CEP112: variants seen among roughly 807,000 people sequenced by gnomAD.
The protein encoded by CEP112 is centrosomal protein 112, also known as centrosomal protein of 112 kDa.
Under a neutral mutation model 153.0 loss-of-function variants are expected in CEP112, and 127 were observed. That is an observed-to-expected ratio of 0.83 (90% CI 0.72 to 0.96). CEP112 has a LOEUF of 0.96. Ranked by LOEUF, CEP112 falls within the 40% of genes least tolerant of loss-of-function variation. The pLI is 0.00. For missense variants in CEP112, 1,089 were observed against 1,101.2 expected, an observed-to-expected ratio of 0.99 and a Z score of 0.16; for synonymous variants, 358 against 374.4, an observed-to-expected ratio of 0.96 and a Z score of 0.51.
intron 24 of CEP112, chr17:65,644,220 G>A: frequency 1.5e-6 from 1 of 660,228 alleles, no homozygotes; most frequent in Non-Finnish European, 2.8e-6. Flanking sequence ...GCCATAGCTG[G>A]GGGAACTGGG....
intron 20 of CEP112, among the ~76,000 whole-genome samples, chr17:65,871,600 A>T (rs2058672625): frequency 6.6e-6 from 1 of 152,188 alleles, no homozygotes; most frequent in African/African-American, 2.4e-5. Flanking sequence ...GCACCACTGC[A>T]CTCCAGCCTG....
chr17:66,005,575 A>G (rs2064239071), intron 17 of CEP112, 115 bp downstream of exon 17: 1 of 1,271,574 alleles, frequency 7.9e-7, no homozygotes, highest in Non-Finnish European at 1.0e-6. Flanking sequence ...ACTGATGCAA[A>G]CGAATCCATA....
At chr17:65,714,815 AC>A (rs1334922956) in intron 23 of CEP112, among the ~76,000 whole-genome samples, 1 of 152,142 alleles carries the variant, frequency 6.6e-6, no homozygotes, top group Non-Finnish European at 1.5e-5. Flanking sequence ...AAAATAGTCT[AC>A]CCTAGATGAT....
intron 21 of CEP112, among the ~76,000 whole-genome samples, chr17:65,818,813 C>T (rs1007565532): frequency 6.6e-6 from 1 of 151,880 alleles, no homozygotes; most frequent in Admixed American, 6.6e-5. Context: ...CAAAACAATA[C>T]AGTTTGTGAC....
At chr17:66,024,136 C>G (rs1445413886) in intron 16 of CEP112, among the ~76,000 whole-genome samples, 1 of 152,012 alleles carries the variant, frequency 6.6e-6, no homozygotes, top group East Asian at 1.9e-4. Flanking sequence ...TGATAAAAAC[C>G]TTCAACAAAT....
chr17:65,902,166 T>G lies in CEP112; in HGVS notation c.2149A>C (p.Lys717Gln), dbSNP rs2059892162. ...TTGATAATTACCTGTGCATCTCGTT[T>G]CTTGAACTCCTGAATTTGATTTTCG... ...EHENQIQEFK[K>Q]RDAQVIADME... Residue 717 changes from lysine to glutamine, a missense_variant, in exon 20 of 27, where the codon AAA becomes CAA. Lys to Gln is a moderately conservative substitution (Grantham distance 53, BLOSUM62 1). Coordinates refer to ENST00000535342, the MANE Select transcript of CEP112 (RefSeq NM_001199165.4). 1 of 1,613,186 alleles carries G rather than the reference T, an allele frequency of 6.2e-7. No homozygotes were observed. The highest frequency in any genetic ancestry group is 1.3e-5 in the African/African-American group (1 of 74,872).
At chr17:65,925,544 C>T (rs2060893740) in intron 19 of CEP112, among the ~76,000 whole-genome samples, 1 of 152,190 alleles carries the variant, frequency 6.6e-6, no homozygotes, top group Non-Finnish European at 1.5e-5. Flanking sequence ...CATCATAACG[C>T]CTGTGCTGCT....
At chr17:66,190,721 CT>C (rs1053732842) in intron 1 of CEP112, among the ~76,000 whole-genome samples, 3 of 152,228 alleles carry the variant, frequency 2.0e-5, no homozygotes, top group African/African-American at 7.2e-5. Flanking sequence ...CCCATGCTGC[CT>C]TTTTTTAAAC....
chr17:65,732,533 A>G (rs943089768), intron 23 of CEP112, among the ~76,000 whole-genome samples: 2 of 152,190 alleles, frequency 1.3e-5, no homozygotes, highest in African/African-American at 4.8e-5. Context: ...AAGCTTCTCT[A>G]GTAATAAAAG....
chr17:65,707,563 C>G (rs1485374154), intron 23 of CEP112, among the ~76,000 whole-genome samples: 3 of 152,204 alleles, frequency 2.0e-5, no homozygotes, highest in Non-Finnish European at 4.4e-5. Flanking sequence ...GCCTCTCAGG[C>G]TTCTCCTTGT....
chr17:65,836,356 T>C (rs1305697761), intron 21 of CEP112, among the ~76,000 whole-genome samples: 1 of 152,192 alleles, frequency 6.6e-6, no homozygotes, highest in Admixed American at 6.5e-5. Context: ...TAAATGGATT[T>C]AAAAGAAAAC....
At chr17:65,956,521 C>A (rs958600010) in intron 18 of CEP112, among the ~76,000 whole-genome samples, 1 of 151,640 alleles carries the variant, frequency 6.6e-6, no homozygotes, top group African/African-American at 2.4e-5. Context: ...TATTCTAAAT[C>A]AATGGAAAAC....
chr17:66,190,846 A>C (rs889298991), intron 1 of CEP112, among the ~76,000 whole-genome samples: 4 of 152,230 alleles, frequency 2.6e-5, no homozygotes, highest in African/African-American at 9.6e-5. Context: ...CCAAGCAAAG[A>C]ATACACTTCA....
chr17:65,741,487 GAATT>G (rs949036480), intron 23 of CEP112, among the ~76,000 whole-genome samples: 17 of 150,300 alleles, frequency 1.1e-4, no homozygotes, highest in South Asian at 6.3e-4. Context: ...AAAACTGTAA[GAATT>G]AATAACTAAA....
intron 4 of CEP112, among the ~76,000 whole-genome samples, chr17:66,168,509 ATG>A (rs1209355747): frequency 1.4e-5 from 2 of 147,892 alleles, no homozygotes; most frequent in Non-Finnish European, 3.0e-5. Context: ...ATATGTATAT[ATG>A]TGTGTGTATA....
chr17:65,974,499 C>G (rs544399784), intron 17 of CEP112, among the ~76,000 whole-genome samples: 39 of 152,236 alleles, frequency 2.6e-4, no homozygotes, highest in Non-Finnish European at 3.7e-4. Context: ...ATTCCCACTC[C>G]TAAAAAGTTA....
intron 18 of CEP112, among the ~76,000 whole-genome samples, chr17:65,951,184 A>G (rs1331257823): frequency 2.0e-5 from 3 of 152,204 alleles, no homozygotes; most frequent in Non-Finnish European, 4.4e-5. Context: ...GACAGGTATC[A>G]ATCCATAGTT....
intron 11 of CEP112, among the ~76,000 whole-genome samples, chr17:66,056,056 G>A (rs1310803453): frequency 2.6e-5 from 4 of 152,158 alleles, no homozygotes; most frequent in African/African-American, 9.7e-5. Flanking sequence ...AATATTATTA[G>A]GCTATAGGAT....
chr17:65,815,031 A>T (rs1171289114), intron 21 of CEP112, among the ~76,000 whole-genome samples: 1 of 151,934 alleles, frequency 6.6e-6, no homozygotes, highest in Non-Finnish European at 1.5e-5. Flanking sequence ...TTTATTTCTG[A>T]TGATTTCTAA....
Sources: allele counts gnomAD v4.1 joint callset (sites outside exome capture counted in the v4.1 genomes callset), GRCh38; gene constraint gnomAD v4.1.1; transcripts MANE v1.5; gene names NCBI Gene and HGNC (gene_info 2026-07-23, HGNC 2026-07-21).